CAMTA1: variants seen among roughly 807,000 people sequenced by gnomAD.
The protein encoded by CAMTA1 is calmodulin-binding transcription activator 1.
A neutral mutation model predicts 170.9 loss-of-function variants in CAMTA1; 27 were observed. The ratio of observed to expected loss-of-function variants is 0.16; its 90% CI spans 0.12 to 0.22. The LOEUF is 0.22. CAMTA1 is among the 10% of genes least tolerant of loss of function. CAMTA1 has a pLI of 1.00. For synonymous variants in CAMTA1, 833 were observed against 891.5 expected (o/e 0.93, Z 1.17); for missense variants, 1,619 against 2,217.2 (o/e 0.73, Z 5.42).
intron 11 of CAMTA1, among the ~76,000 whole-genome samples, chr1:7,678,246 G>T (rs2149281338): frequency 6.6e-6 from 1 of 152,336 alleles, no homozygotes; most frequent in South Asian, 2.1e-4. Flanking sequence ...TCTGCCTTTT[G>T]GGGCTAACCA....
intron 6 of CAMTA1, among the ~76,000 whole-genome samples, chr1:7,614,490 G>A (rs550221126): frequency 5.3e-5 from 8 of 152,234 alleles, no homozygotes; most frequent in South Asian, 2.1e-4. Context: ...TCAAGTCACC[G>A]TGCGACCTTC....
intron 4 of CAMTA1, among the ~76,000 whole-genome samples, chr1:7,208,009 T>C (rs1438948797): frequency 2.0e-5 from 3 of 152,250 alleles, no homozygotes; most frequent in African/African-American, 4.8e-5. Flanking sequence ...CGTCATCTAC[T>C]TTATAAAAGG....
chr1:7,741,329 C>T (rs1417306567), intron 16 of CAMTA1, among the ~76,000 whole-genome samples: 5 of 152,062 alleles, frequency 3.3e-5, no homozygotes, highest in Admixed American at 6.5e-5. Flanking sequence ...TTTGGGAGGC[C>T]GAGGCGGGCG....
chr1:7,283,617 C>G (rs1321651445), intron 5 of CAMTA1, among the ~76,000 whole-genome samples: 1 of 152,206 alleles, frequency 6.6e-6, no homozygotes, highest in African/African-American at 2.4e-5. Context: ...CTTCAAATAT[C>G]TTCATTTCAT....
intron 5 of CAMTA1, among the ~76,000 whole-genome samples, chr1:7,255,571 G>T (rs529097509): frequency 6.6e-6 from 1 of 152,156 alleles, no homozygotes; most frequent in African/African-American, 2.4e-5. Flanking sequence ...CTACATTGCC[G>T]TTGCTTTCCA....
intron 5 of CAMTA1, among the ~76,000 whole-genome samples, chr1:7,278,876 A>G (rs2149445191): frequency 6.6e-6 from 1 of 152,358 alleles, no homozygotes; most frequent in East Asian, 1.9e-4. Context: ...GGAAAAGTGC[A>G]GGAACTCTAA....
intron 22 of CAMTA1, among the ~76,000 whole-genome samples, chr1:7,760,775 G>A (rs1396502043): frequency 2.0e-5 from 3 of 152,156 alleles, no homozygotes; most frequent in African/African-American, 7.2e-5. Context: ...AGCTCTCAAA[G>A]CAACAGGTAA....
intron 6 of CAMTA1, among the ~76,000 whole-genome samples, chr1:7,489,446 C>A (rs999451457): frequency 6.6e-6 from 1 of 152,156 alleles, no homozygotes; most frequent in African/African-American, 2.4e-5. Flanking sequence ...GCATGCAGGG[C>A]ACTGGGGCTC....
rs149588108 is a variant in CAMTA1, at chr1:7,074,769, A to G, written c.235-16535A>G. 6.0e-3 allele frequency among the ~76,000 whole-genome samples: 916 copies of G among 152,332 alleles called. 1 individual carries two copies. The highest frequency in any genetic ancestry group is 0.01 in the Middle Eastern group (3 of 294). On this transcript the variant is annotated intron_variant, in intron 3 of 22. Coordinates refer to ENST00000303635, the MANE Select transcript of CAMTA1 (RefSeq NM_015215.4). ...ACATAAATTAGCTCATTTAATTCTC[A>G]TAACTACCTTCTCACATAGGAACGA...
chr1:7,405,039 G>A (rs1233705387), intron 5 of CAMTA1, among the ~76,000 whole-genome samples: 2 of 151,918 alleles, frequency 1.3e-5, no homozygotes, highest in African/African-American at 2.4e-5. Context: ...ACTTGCTACC[G>A]ATTGTGCCTG....
intron 5 of CAMTA1, among the ~76,000 whole-genome samples, chr1:7,342,318 C>T (rs1241812583): frequency 6.6e-6 from 1 of 152,152 alleles, no homozygotes; most frequent in African/African-American, 2.4e-5. Flanking sequence ...GAGGCAGTCC[C>T]CCTCCACCCT....
At chr1:7,208,047 C>T (rs1051522537) in intron 4 of CAMTA1, among the ~76,000 whole-genome samples, 4 of 152,244 alleles carry the variant, frequency 2.6e-5, no homozygotes, top group Non-Finnish European at 5.9e-5. Flanking sequence ...AGCTGGAAGC[C>T]TCTCTCTCCA....
chr1:7,060,681 C>T (rs1381283230), intron 3 of CAMTA1, among the ~76,000 whole-genome samples: 2 of 151,640 alleles, frequency 1.3e-5, no homozygotes, highest in Non-Finnish European at 2.9e-5. Flanking sequence ...TGCTCACGGC[C>T]CTGCGGCTTC....
At chr1:7,136,942 C>T (rs1195642179) in intron 4 of CAMTA1, among the ~76,000 whole-genome samples, 1 of 152,322 alleles carries the variant, frequency 6.6e-6, no homozygotes, top group East Asian at 1.9e-4. Context: ...TTTTTACATG[C>T]TGATGACCTC....
intron 5 of CAMTA1, among the ~76,000 whole-genome samples, chr1:7,294,911 C>T (rs1249546574): frequency 3.3e-5 from 5 of 152,158 alleles, no homozygotes; most frequent in South Asian, 2.1e-4. Context: ...GCATCTGCCC[C>T]GTGACTCCCG....
rs72640014 is a variant in CAMTA1 at position 7,034,744 on chromosome 1, C to T, written c.235-56560C>T. Among the ~76,000 whole-genome samples the T allele has an allele frequency of 6.9e-3, 1,054 of 152,254 alleles. 6 individuals are homozygous for T. The highest frequency in any genetic ancestry group is 0.011 in the Non-Finnish European group (760 of 68,014). On this transcript the variant is annotated intron_variant, in intron 3 of 22. Transcript: ENST00000303635. The stretch of plus-strand genomic sequence containing the variant: ...TGGGGCAGTCCCGGGGCTGACCTCG[C>T]CGTTCTTCACTCCCAGATGTCTGAT...
At chr1:6,808,727 C>CTGAA (rs748562636) in intron 1 of CAMTA1, among the ~76,000 whole-genome samples, 20 of 152,064 alleles carry the variant, frequency 1.3e-4, no homozygotes, top group East Asian at 3.9e-4. Context: ...TGCTTGTTGG[C>CTGAA]TGAATGAATG....
Position 7,760,487 on chromosome 1 carries a change from G to A in CAMTA1, c.4989+4819G>A, listed in dbSNP as rs540660566. ...CTTCCGTAGCTCAATTTGGCATGAG[G>A]CATAGTTTCTAAGTGGCCCGATGTG... On this transcript the variant is annotated intron_variant, in intron 22 of 22. Transcript: ENST00000303635. Among the ~76,000 whole-genome samples the A allele has an allele frequency of 1.3e-3, 204 of 152,346 alleles. 1 individual carries two copies. Among genetic ancestry groups the A allele is most frequent in the African/African-American group, 4.6e-3 (190 of 41,578 alleles).
intron 6 of CAMTA1, among the ~76,000 whole-genome samples, chr1:7,540,303 C>G (rs965892308): frequency 2.6e-5 from 4 of 152,094 alleles, no homozygotes; most frequent in African/African-American, 9.7e-5. Flanking sequence ...AGGCTGGGGC[C>G]CAGCATTAGA....
Sources: gnomAD v4.1 joint callset for allele counts (sites outside exome capture counted in the v4.1 genomes callset) on GRCh38, gnomAD v4.1.1 for gene constraint, MANE v1.5 for transcripts, NCBI Gene and HGNC (gene_info 2026-07-23, HGNC 2026-07-21) for gene names.